KCNIP1: variants seen among roughly 807,000 people sequenced by gnomAD.
The protein encoded by KCNIP1 is potassium voltage-gated channel interacting protein 1.
KCNIP1 carries 18 observed loss-of-function variants against 33.0 expected under a neutral mutation model. That is an observed-to-expected ratio of 0.55 (90% confidence interval 0.38 to 0.81). KCNIP1 has a LOEUF of 0.81. Ranked by LOEUF, KCNIP1 falls within the 30% of genes least tolerant of loss-of-function variation. The pLI is 0.00. For missense variants in KCNIP1, 238 were observed against 271.6 expected, an observed-to-expected ratio of 0.88 and a Z score of 0.87; for synonymous variants, 93 against 98.3, an observed-to-expected ratio of 0.95 and a Z score of 0.32.
intron 1 of KCNIP1, chr5:170,385,434 A>G (rs929149663): frequency 6.2e-7 from 1 of 1,614,158 alleles, no homozygotes; most frequent in Non-Finnish European, 8.5e-7. Context: ...GGCCATCACC[A>G]GCTTCTTCAC....
chr5:170,711,206 A>T (rs2113855159), intron 1 of KCNIP1, among the ~76,000 whole-genome samples: 1 of 152,274 alleles, frequency 6.6e-6, no homozygotes, highest in South Asian at 2.1e-4. Flanking sequence ...CTCAGTTCCT[A>T]CCACTCTCTA....
At chr5:170,426,274 A>ACACACACACACAC (rs371118514) in intron 1 of KCNIP1, among the ~76,000 whole-genome samples, 3 of 56,786 alleles carry the variant, frequency 5.3e-5, no homozygotes, top group Non-Finnish European at 1.1e-4. Context: ...CACACACACA[A>ACACACACACACAC]ACACACACAC....
chr5:170,639,955 A>G (rs972628465), intron 1 of KCNIP1, among the ~76,000 whole-genome samples: 1 of 152,280 alleles, frequency 6.6e-6, no homozygotes, highest in Non-Finnish European at 1.5e-5. Flanking sequence ...GAAATCAGGA[A>G]GAACCTGGGC....
intron 1 of KCNIP1, among the ~76,000 whole-genome samples, chr5:170,395,899 C>A (rs1387879517): frequency 1.3e-5 from 2 of 152,198 alleles, no homozygotes; most frequent in Non-Finnish European, 2.9e-5. Flanking sequence ...AAAATAGCTG[C>A]AGCAAAGGTA....
intron 1 of KCNIP1, among the ~76,000 whole-genome samples, chr5:170,581,970 C>T (rs1357855787): frequency 6.6e-6 from 1 of 152,140 alleles, no homozygotes. Context: ...ATGCCAGGCT[C>T]TTTTAAACAA....
chr5:170,710,262 C>A (rs1227129875), intron 1 of KCNIP1, among the ~76,000 whole-genome samples: 2 of 152,164 alleles, frequency 1.3e-5, no homozygotes, highest in African/African-American at 4.8e-5. Context: ...CTGTGTCAAA[C>A]CCACTTTTAA....
At chr5:170,681,623 C>T (rs1044801138) in intron 1 of KCNIP1, among the ~76,000 whole-genome samples, 2 of 152,194 alleles carry the variant, frequency 1.3e-5, no homozygotes, top group African/African-American at 4.8e-5. Flanking sequence ...TTGTAAAATG[C>T]TAATCACAGT....
At chr5:170,605,222 A>G (rs1464338015) in intron 1 of KCNIP1, among the ~76,000 whole-genome samples, 2 of 151,766 alleles carry the variant, frequency 1.3e-5, no homozygotes, top group Non-Finnish European at 2.9e-5. Flanking sequence ...CCGACCTCCC[A>G]TGGGTGCTGC....
intron 1 of KCNIP1, among the ~76,000 whole-genome samples, chr5:170,530,482 TG>T (rs920875511): frequency 4.6e-5 from 7 of 152,314 alleles, no homozygotes; most frequent in African/African-American, 1.7e-4. Context: ...ACTGCAAGGA[TG>T]GGGCCCTCTG....
At chr5:170,580,514 C>A (rs1757750824) in intron 1 of KCNIP1, among the ~76,000 whole-genome samples, 1 of 152,148 alleles carries the variant, frequency 6.6e-6, no homozygotes, top group Admixed American at 6.5e-5. Context: ...AGGAGCCAGA[C>A]CCTCAACCCC....
chr5:170,720,419 C>A, intron 3 of KCNIP1, 29 bp downstream of exon 3: 1 of 1,537,952 alleles, frequency 6.5e-7, no homozygotes, highest in South Asian at 1.1e-5. Flanking sequence ...TCTATCTTGC[C>A]CAGCTCCCTC....
At position 170,545,030 on chromosome 5, in the gene KCNIP1, T is replaced by C. The variant is rs559883724; in HGVS notation, c.61+40397T>C. On this transcript the variant is annotated intron_variant, in intron 1 of 7. Coordinates refer to ENST00000328939, the MANE Select transcript of KCNIP1 (RefSeq NM_014592.4). ...GAATAATTTTCCTTCAGCCTGAAGATTCTTATTTGGTATGTCCTTTAGTGT... is the reference window on the plus strand; with the variant it reads ...GAATAATTTTCCTTCAGCCTGAAGACTCTTATTTGGTATGTCCTTTAGTGT... Among the ~76,000 whole-genome samples, 3 of 152,310 alleles carry C rather than the reference T, an allele frequency of 2.0e-5. No homozygotes were observed. In the East Asian group the frequency reaches 5.8e-4, roughly 29 times the overall value.
intron 5 of KCNIP1, among the ~76,000 whole-genome samples, chr5:170,727,988 G>C (rs1454385501): frequency 6.6e-6 from 1 of 152,088 alleles, no homozygotes; most frequent in Non-Finnish European, 1.5e-5. Context: ...CTAACATAGG[G>C]TTTATTCCAG....
chr5:170,366,470 C>A (rs370173135), intron 1 of KCNIP1, among the ~76,000 whole-genome samples: 1 of 152,232 alleles, frequency 6.6e-6, no homozygotes, highest in South Asian at 2.1e-4. Context: ...GCTGTGCCTG[C>A]TGGCCTGTCT....
At chr5:170,596,337 G>T (rs1424202238) in intron 1 of KCNIP1, among the ~76,000 whole-genome samples, 1 of 152,210 alleles carries the variant, frequency 6.6e-6, no homozygotes, top group Admixed American at 6.5e-5. Flanking sequence ...AGATGAAAGT[G>T]CTGTCATCAT....
intron 1 of KCNIP1, among the ~76,000 whole-genome samples, chr5:170,368,748 T>G (rs1304447698): frequency 6.6e-6 from 1 of 152,176 alleles, no homozygotes; most frequent in African/African-American, 2.4e-5. Flanking sequence ...CATGTGGCAA[T>G]ACACCCCGAA....
intron 1 of KCNIP1, among the ~76,000 whole-genome samples, chr5:170,515,321 C>T (rs773866002): frequency 1.3e-5 from 2 of 152,202 alleles, no homozygotes; most frequent in Non-Finnish European, 2.9e-5. Flanking sequence ...CATCTGTTCT[C>T]ACCTGGTACT....
chr5:170,545,156 AC>A (rs1163732877), intron 1 of KCNIP1, among the ~76,000 whole-genome samples: 1 of 152,180 alleles, frequency 6.6e-6, no homozygotes, highest in African/African-American at 2.4e-5. Context: ...TGTGTATATA[AC>A]ACAAGAGTGG....
intron 1 of KCNIP1, among the ~76,000 whole-genome samples, chr5:170,360,428 G>T (rs951473710): frequency 6.6e-6 from 1 of 152,180 alleles, no homozygotes; most frequent in Non-Finnish European, 1.5e-5. Flanking sequence ...TCCATCTCAT[G>T]TGGCTACTGG....
Sources: gnomAD v4.1 joint callset for allele counts (sites outside exome capture counted in the v4.1 genomes callset) on GRCh38, gnomAD v4.1.1 for gene constraint, MANE v1.5 for transcripts, NCBI Gene and HGNC (gene_info 2026-07-23, HGNC 2026-07-21) for gene names.